Variants in TACR2 observed in about 807,000 individuals in gnomAD.
TACR2 encodes the protein substance-K receptor.
In TACR2, 24 loss-of-function variants were observed where a neutral mutation model predicts 28.9. That is an observed-to-expected ratio of 0.83 (90% confidence interval 0.60 to 1.17). The LOEUF is 1.17. Among genes scored for constraint, TACR2 ranks in the 50% most tolerant of loss-of-function variants. The pLI is 0.00. For missense variants in TACR2, 487 were observed against 524.4 expected (o/e 0.93, Z 0.70); for synonymous variants, 222 against 212.6 (o/e 1.04, Z -0.38).
chr10:69,405,186 T>C, intron 4 of TACR2, 102 bp from the exon 5 acceptor site: 1 of 938,644 alleles, frequency 1.1e-6, no homozygotes, highest in African/African-American at 1.7e-5. Context: ...CAGAGGAAAG[T>C]CACTGTCTCT....
Position 69,416,045 on chromosome 10 carries a change from A to G in TACR2, c.279T>C (p.Tyr93=), listed in dbSNP as rs147238959. ...AAFNAAFNFV[Y]ASHNIWYFGR... Reference sequence around the variant, plus strand: ...CAAAGTACCAGATGTTGTGGCTGGCATAGACAAAGTTGAAGGCGGCATTGA... The same window carrying G: ...CAAAGTACCAGATGTTGTGGCTGGCGTAGACAAAGTTGAAGGCGGCATTGA... Residue 93 remains tyrosine (Y), a synonymous_variant, in exon 1 of 5, where the codon TAT becomes TAC. Transcript: ENST00000373306. 173 of 1,614,108 alleles carry G rather than the reference A, an allele frequency of 1.1e-4. 1 individual carries two copies. Among genetic ancestry groups the G allele is most frequent in the Non-Finnish European group, 1.3e-4 (155 of 1,180,034 alleles).
At chr10:69,409,867 A>G (rs1420894652) in intron 2 of TACR2, among the ~76,000 whole-genome samples, 24 of 22,066 alleles carry the variant, frequency 1.1e-3, no homozygotes, top group South Asian at 7.7e-3. Context: ...ATGTATATGT[A>G]TATATATATA....
rs200966867 is a variant in TACR2, at chr10:69,415,936, C to T, written c.388G>A (p.Asp130Asn). ...SIYSMTAIAA[D>N]RYMAIVHPFQ... The stretch of plus-strand genomic sequence containing the variant: ...CTTCCCCAAGGACCCTCTTGCCTGT[C>T]GGCAGCAATGGCGGTCATGGAGTAG... Residue 130 changes from aspartate to asparagine, a missense_variant, in exon 1 of 5, where the codon GAC (aspartate) becomes AAC (asparagine). Coordinates refer to ENST00000373306, the MANE Select transcript of TACR2 (RefSeq NM_001057.3). The T allele has an allele frequency of 2.6e-5, 42 of 1,612,060 alleles. No individual in the cohort carries two copies. The highest frequency in any genetic ancestry group is 4.4e-5 in the South Asian group (4 of 91,020).
chr10:69,409,904 CATATATATATATATATATATATATAT>C (rs10663894), intron 2 of TACR2, among the ~76,000 whole-genome samples: 15 of 34,674 alleles, frequency 4.3e-4, no homozygotes, highest in Non-Finnish European at 6.9e-4. Context: ...TATATATATA[CATATATATATATATATATATATATAT>C]ATATATATAT....
At chr10:69,411,250 C>T (rs544259148) in intron 2 of TACR2, among the ~76,000 whole-genome samples, 1 of 152,284 alleles carries the variant, frequency 6.6e-6, no homozygotes, top group Non-Finnish European at 1.5e-5. Flanking sequence ...GGTGAAACCA[C>T]CTTTGCAAAA....
intron 4 of TACR2, 21 bp downstream of exon 4, chr10:69,407,063 G>A (rs1840507884): frequency 6.2e-7 from 1 of 1,612,534 alleles, no homozygotes; most frequent in Non-Finnish European, 8.5e-7. Context: ...GGCAGAGGGT[G>A]GGGCTGGAGT....
chr10:69,409,864 TG>T (rs1840546097), intron 2 of TACR2, among the ~76,000 whole-genome samples: 2 of 59,038 alleles, frequency 3.4e-5, no homozygotes, highest in African/African-American at 1.8e-4. Context: ...TATATGTATA[TG>T]TATATATATA....
At chr10:69,411,372 G>T (rs1459606064) in intron 2 of TACR2, among the ~76,000 whole-genome samples, 2 of 152,172 alleles carry the variant, frequency 1.3e-5, no homozygotes, top group South Asian at 2.1e-4. Context: ...CTATCTTTGG[G>T]AAGGAATTCA....
intron 4 of TACR2, among the ~76,000 whole-genome samples, chr10:69,405,615 A>C (rs974895297): frequency 6.6e-6 from 1 of 152,220 alleles, no homozygotes; most frequent in Non-Finnish European, 1.5e-5. Context: ...ACTGAACGGG[A>C]GTTCAGAGGA....
At chr10:69,414,613 G>A (rs1301994433) in intron 2 of TACR2, among the ~76,000 whole-genome samples, 1 of 152,154 alleles carries the variant, frequency 6.6e-6, no homozygotes, top group Non-Finnish European at 1.5e-5. Context: ...TACTAGCTGT[G>A]TGGTTTTGGG....
chr10:69,408,296 AGGCACCTTCTATAGTTCTGTG>A (rs1307656531), intron 3 of TACR2, among the ~76,000 whole-genome samples: 5 of 152,166 alleles, frequency 3.3e-5, no homozygotes. Flanking sequence ...TGTGACTGTC[AGGCACCTTCTATAGTTCTGTG>A]GGGCTTCTCA....
At chr10:69,407,521 A>G (rs1235685617) in intron 3 of TACR2, among the ~76,000 whole-genome samples, 1 of 151,420 alleles carries the variant, frequency 6.6e-6, no homozygotes, top group Non-Finnish European at 1.5e-5. Context: ...TGAAGTCCTC[A>G]CTCCTTGAAG....
In TACR2 at chr10:69,408,926, T is replaced by G; in HGVS notation, c.737A>C (p.Lys246Thr). The change falls in exon 3 of 5, where the codon AAG becomes ACG. Residue 246 changes from lysine (K) to threonine (T), a missense_variant. Lys to Thr is a moderately conservative substitution (Grantham distance 78, BLOSUM62 -1). Coordinates refer to ENST00000373306, the MANE Select transcript of TACR2 (RefSeq NM_001057.3). ...GANLRHLQAM[K>T]KFVKTMVLVV... ...GGCCCCCGCCCCCGCGCCCACCTTC[T>G]TCATGGCCTGCAGGTGGCGCAGGTT... The G allele has an allele frequency of 2.1e-6, 3 of 1,447,040 alleles. No individual in the cohort carries two copies. Among genetic ancestry groups the G allele is most frequent in the Non-Finnish European group, 1.8e-6 (2 of 1,095,902 alleles). 89.6% of individuals were successfully genotyped at this position (1,447,040 alleles called of 1,614,324 possible).
Position 69,404,820 on chromosome 10 carries a change from T to C in TACR2, c.*6A>G, listed in dbSNP as rs753668720. On this transcript the variant is annotated 3_prime_UTR_variant, in exon 5 of 5. Coordinates refer to ENST00000373306, the MANE Select transcript of TACR2 (RefSeq NM_001057.3). ...ACCCCTACCTCCCAACACTGCCACATTGGGATCAAATTTCAACATGAGTTT... is the reference window on the plus strand; with the variant it reads ...ACCCCTACCTCCCAACACTGCCACACTGGGATCAAATTTCAACATGAGTTT... The C allele has an allele frequency of 6.7e-7, 1 of 1,489,614 alleles. No homozygotes were observed. Among genetic ancestry groups the C allele is most frequent in the Non-Finnish European group, 9.1e-7 (1 of 1,100,004 alleles). The allele number at this position is 1,489,614 out of a possible 1,614,324, so 92.3% of individuals were successfully genotyped here.
chr10:69,414,882 C>G, intron 2 of TACR2, 63 bp downstream of exon 2: 1 of 676,378 alleles, frequency 1.5e-6, no homozygotes, highest in Non-Finnish European at 2.1e-6. Flanking sequence ...CGCGTGTGTA[C>G]ACACACACAC....
Position 69,416,113 on chromosome 10 carries a change from A to C in TACR2, c.211T>G (p.Phe71Val). Residue 71 changes from phenylalanine (F) to valine (V), a missense_variant, in exon 1 of 5, where the codon TTC (phenylalanine) becomes GTC (valine). Coordinates refer to ENST00000373306, the MANE Select transcript of TACR2 (RefSeq NM_001057.3). Reference sequence around the variant, plus strand: ...TCAGCCAGCGCCAGATTGACGATGAAGTAGTTGGTGACTGTGCGCATCCTC... The same window carrying C: ...TCAGCCAGCGCCAGATTGACGATGACGTAGTTGGTGACTGTGCGCATCCTC... ...HRRMRTVTNY[F>V]IVNLALADLC... 1 of 1,614,200 alleles carries C rather than the reference A, an allele frequency of 6.2e-7. No individual in the cohort carries two copies. The highest frequency in any genetic ancestry group is 8.5e-7 in the Non-Finnish European group (1 of 1,180,042).
chr10:69,416,015 A>G lies in TACR2; in HGVS notation c.309T>C (p.Arg103=), dbSNP rs1260032021. ...YASHNIWYFG[R]AFCYFQNLFP... Reference sequence around the variant, plus strand: ...AGAGGTTCTGGAAGTAGCAGAAGGCACGGCCAAAGTACCAGATGTTGTGGC... The same window carrying G: ...AGAGGTTCTGGAAGTAGCAGAAGGCGCGGCCAAAGTACCAGATGTTGTGGC... Residue 103 remains arginine (R), a synonymous_variant, in exon 1 of 5, where the codon CGT becomes CGC. Transcript: ENST00000373306. 3.7e-6 allele frequency: 6 copies of G among 1,614,252 alleles called. No homozygotes were observed. The highest frequency in any genetic ancestry group is 1.3e-5 in the African/African-American group (1 of 75,062).
intron 2 of TACR2, among the ~76,000 whole-genome samples, chr10:69,409,917 A>G (rs1343786679): frequency 6.1e-5 from 3 of 49,416 alleles, no homozygotes; most frequent in Non-Finnish European, 7.2e-5. Flanking sequence ...ATATATATAT[A>G]TATATATATA....
At chr10:69,407,620 T>C (rs1303124673) in intron 3 of TACR2, among the ~76,000 whole-genome samples, 1 of 152,134 alleles carries the variant, frequency 6.6e-6, no homozygotes, top group African/African-American at 2.4e-5. Flanking sequence ...CTGAGCTCTC[T>C]CTCCTAACCC....
Sources: allele counts gnomAD v4.1 joint callset (sites outside exome capture counted in the v4.1 genomes callset), GRCh38; gene constraint gnomAD v4.1.1; transcripts MANE v1.5; gene names NCBI Gene and HGNC (gene_info 2026-07-23, HGNC 2026-07-21).